The following GPATCH2 variants were observed in gnomAD, a reference collection of about 807,000 sequenced individuals.
GPATCH2 encodes G-patch domain containing 2, also known as G patch domain-containing protein 2.
GPATCH2 carries 51 observed loss-of-function variants against 58.0 expected under a neutral mutation model. The observed-to-expected ratio is 0.88, with a 90% CI of 0.70 to 1.11. The LOEUF is 1.11. GPATCH2 is among the 50% of genes most tolerant of loss of function. The probability of loss-of-function intolerance (pLI) is 0.00; values close to 1 mark genes in which losing one functional copy is unlikely to be tolerated. For missense variants in GPATCH2, 625 were observed against 652.2 expected, an observed-to-expected ratio of 0.96 and a Z score of 0.45; for synonymous variants, 222 against 218.5, an observed-to-expected ratio of 1.02 and a Z score of -0.14.
At chr1:217,438,036 G>T (rs1233091778) in intron 9 of GPATCH2, among the ~76,000 whole-genome samples, 1 of 152,232 alleles carries the variant, frequency 6.6e-6, no homozygotes, top group African/African-American at 2.4e-5. Context: ...TCCAGAGGAA[G>T]GAACAGGCAG....
chr1:217,508,735 T>A (rs1280119719), intron 6 of GPATCH2, among the ~76,000 whole-genome samples: 1 of 152,122 alleles, frequency 6.6e-6, no homozygotes, highest in African/African-American at 2.4e-5. Context: ...AAAAGAGAAT[T>A]TCAAAACGTA....
intron 6 of GPATCH2, chr1:217,498,828 C>G: frequency 4.2e-6 from 1 of 239,330 alleles, no homozygotes; most frequent in Non-Finnish European, 8.2e-6. Context: ...GCTATGCCCC[C>G]AGGAGCAATA....
intron 5 of GPATCH2, among the ~76,000 whole-genome samples, chr1:217,552,616 G>A (rs970153273): frequency 3.9e-5 from 6 of 152,128 alleles, no homozygotes; most frequent in Admixed American, 3.3e-4. Flanking sequence ...AAAATAGGTT[G>A]AAACTGCTCA....
intron 5 of GPATCH2, among the ~76,000 whole-genome samples, chr1:217,538,189 G>A (rs187933419): frequency 6.6e-6 from 1 of 152,126 alleles, no homozygotes; most frequent in Admixed American, 6.6e-5. Context: ...TGATATATTC[G>A]TTCATGCTTT....
chr1:217,541,000 A>G (rs1305796473), intron 5 of GPATCH2, among the ~76,000 whole-genome samples: 1 of 152,220 alleles, frequency 6.6e-6, no homozygotes, highest in Non-Finnish European at 1.5e-5. Context: ...TTGTGTGACA[A>G]CCGTAACTCC....
chr1:217,531,951 T>C (rs891497612), intron 5 of GPATCH2, among the ~76,000 whole-genome samples: 1 of 152,224 alleles, frequency 6.6e-6, no homozygotes. Flanking sequence ...TTTCTTGAAT[T>C]GTTTCACAGT....
chr1:217,563,851 C>T (rs140486081), intron 5 of GPATCH2, among the ~76,000 whole-genome samples: 1 of 151,902 alleles, frequency 6.6e-6, no homozygotes, highest in Non-Finnish European at 1.5e-5. Context: ...TCGAGACCAG[C>T]CTGACCAACA....
intron 8 of GPATCH2, among the ~76,000 whole-genome samples, chr1:217,475,944 T>C (rs1237102189): frequency 1.3e-5 from 2 of 151,626 alleles, no homozygotes; most frequent in South Asian, 4.2e-4. Context: ...GCCAGGACAT[T>C]AGATGTGCAG....
chr1:217,561,776 G>A (rs959852936), intron 5 of GPATCH2, among the ~76,000 whole-genome samples: 1 of 152,126 alleles, frequency 6.6e-6, no homozygotes, highest in Non-Finnish European at 1.5e-5. Flanking sequence ...AAGAAGTAGA[G>A]GAGAAACATG....
At chr1:217,508,801 G>A (rs918009797) in intron 6 of GPATCH2, among the ~76,000 whole-genome samples, 4 of 151,824 alleles carry the variant, frequency 2.6e-5, no homozygotes, top group African/African-American at 9.7e-5. Flanking sequence ...TGAGGCTCTT[G>A]TCTTTTTTGC....
intron 8 of GPATCH2, among the ~76,000 whole-genome samples, chr1:217,474,701 T>C (rs1057437131): frequency 2.6e-5 from 4 of 152,206 alleles, no homozygotes; most frequent in Admixed American, 6.5e-5. Context: ...CTTTGAATCA[T>C]GAACAGCGGA....
intron 5 of GPATCH2, among the ~76,000 whole-genome samples, chr1:217,571,204 T>C (rs575368667): frequency 6.6e-6 from 1 of 152,240 alleles, no homozygotes; most frequent in South Asian, 2.1e-4. Context: ...AGAAATGTAA[T>C]AGGGACATTA....
In GPATCH2 at chr1:217,428,146, T is replaced by C. The variant is rs1437831835; in HGVS notation, c.*2999A>G. 6.6e-6 allele frequency: 1 copy of C among 152,168 alleles called. No individual in the cohort carries two copies. Among genetic ancestry groups the C allele is most frequent in the Non-Finnish European group, 1.5e-5 (1 of 68,006 alleles). The allele number at this position is 152,168 out of a possible 1,614,324, so 9.4% of individuals were successfully genotyped here. A position where few individuals can be genotyped will look rare whatever the true frequency, so the allele number is the denominator to read the frequency against. ...CTGGTCATTATCAAGTATAACAAAT[T>C]TTTTAAACAGTCAAGTTGCTAATGT... is the stretch of plus-strand genomic sequence containing the variant. On this transcript the variant is annotated 3_prime_UTR_variant, in exon 10 of 10. Coordinates refer to ENST00000366935, the MANE Select transcript of GPATCH2 (RefSeq NM_018040.5).
intron 5 of GPATCH2, chr1:217,609,638 C>T: frequency 1.0e-6 from 1 of 978,598 alleles, no homozygotes. Flanking sequence ...CATCTTAGCC[C>T]TTGTTAAAAT....
At chr1:217,598,624 C>T (rs1427490116) in intron 5 of GPATCH2, among the ~76,000 whole-genome samples, 3 of 151,708 alleles carry the variant, frequency 2.0e-5, no homozygotes, top group Non-Finnish European at 4.4e-5. Context: ...TGCCACCACA[C>T]CCGGCTAATT....
chr1:217,438,335 G>A (rs926540753), intron 9 of GPATCH2, among the ~76,000 whole-genome samples: 1 of 152,110 alleles, frequency 6.6e-6, no homozygotes, highest in Non-Finnish European at 1.5e-5. Context: ...TCCTCTAAAG[G>A]ATCACAACTC....
At chr1:217,523,624 T>C (rs1268738107) in intron 5 of GPATCH2, among the ~76,000 whole-genome samples, 2 of 151,742 alleles carry the variant, frequency 1.3e-5, no homozygotes, top group Non-Finnish European at 2.9e-5. Context: ...TTCCCCACCT[T>C]TCCCCCCTTT....
At chr1:217,611,506 T>C (rs1668630617) in intron 3 of GPATCH2, among the ~76,000 whole-genome samples, 1 of 152,168 alleles carries the variant, frequency 6.6e-6, no homozygotes, top group Admixed American at 6.5e-5. Flanking sequence ...GTTAATCCTT[T>C]GGCAAAAACT....
chr1:217,622,792 G>A (rs943420093), intron 1 of GPATCH2, among the ~76,000 whole-genome samples: 12 of 152,166 alleles, frequency 7.9e-5, no homozygotes, highest in Non-Finnish European at 1.2e-4. Flanking sequence ...TGATCCACCC[G>A]CCACGCTTCT....
Sources: gnomAD v4.1 joint callset for allele counts (sites outside exome capture counted in the v4.1 genomes callset) on GRCh38, gnomAD v4.1.1 for gene constraint, MANE v1.5 for transcripts, NCBI Gene and HGNC (gene_info 2026-07-23, HGNC 2026-07-21) for gene names.